The following SNX3 variants were observed in gnomAD, a reference collection of about 807,000 sequenced individuals.
SNX3 encodes sorting nexin 3.
A neutral mutation model predicts 17.7 loss-of-function variants in SNX3; 5 were observed. The observed-to-expected ratio is 0.28, with a 90% CI of 0.15 to 0.59. The LOEUF (loss-of-function observed/expected upper bound fraction) is 0.59, where lower values mean the gene tolerates loss of function less well. SNX3 is among the 20% of genes least tolerant of loss of function. SNX3 has a pLI of 0.88. For missense variants in SNX3, 132 were observed against 206.8 expected (o/e 0.64, Z 2.22); for synonymous variants, 91 against 76.5 (o/e 1.19, Z -0.99).
Position 108,223,005 on chromosome 6 carries a change from C to T in SNX3, c.203G>A (p.Arg68Lys). ...CCATTCAAAGTCACTGTATCTTCTTCTAACAGTAGATTCTTTCAGCTTGAA... is the reference window on the plus strand; with the variant it reads ...CCATTCAAAGTCACTGTATCTTCTTTTAACAGTAGATTCTTTCAGCTTGAA... ...PIFKLKESTV[R>K]RRYSDFEWLR... is the part of the protein sequence containing the mutation. The change falls in exon 2 of 4, where the codon AGA becomes AAA. Residue 68 changes from arginine (R) to lysine (K), a missense_variant. By Grantham distance (26) the Arg-to-Lys change is conservative (BLOSUM62 2). This residue lies in a region of SNX3 where 78 missense variants were observed against 88.8 expected (regional missense o/e 0.88). Coordinates refer to ENST00000230085, the MANE Select transcript of SNX3 (RefSeq NM_003795.6). The T allele has an allele frequency of 6.2e-7, 1 of 1,608,562 alleles. No individual in the cohort carries two copies. The highest frequency in any genetic ancestry group is 8.5e-7 in the Non-Finnish European group (1 of 1,176,482).
intron 3 of SNX3, 96 bp from the exon 4 acceptor site, chr6:108,212,350 T>G: frequency 1.2e-6 from 1 of 864,154 alleles, no homozygotes. Context: ...TATAATTTTT[T>G]TTTTTTTGAG....
At chr6:108,212,547 A>G (rs547531444) in intron 3 of SNX3, among the ~76,000 whole-genome samples, 71 of 152,272 alleles carry the variant, frequency 4.7e-4, no homozygotes, top group African/African-American at 1.4e-3. Context: ...CATGTTGGCC[A>G]GGCTAGTCTC....
chr6:108,225,031 C>T (rs1323740434), intron 1 of SNX3, among the ~76,000 whole-genome samples: 1 of 152,140 alleles, frequency 6.6e-6, no homozygotes, highest in Non-Finnish European at 1.5e-5. Flanking sequence ...GACTGTAATC[C>T]CAGCACTTTG....
intron 1 of SNX3, among the ~76,000 whole-genome samples, chr6:108,237,956 G>T (rs1775399533): frequency 6.6e-6 from 1 of 151,594 alleles, no homozygotes; most frequent in South Asian, 2.1e-4. Context: ...AATTAGCCCG[G>T]CATGGTGGCA....
At chr6:108,229,991 G>A (rs565342889) in intron 1 of SNX3, among the ~76,000 whole-genome samples, 5 of 152,092 alleles carry the variant, frequency 3.3e-5, no homozygotes, top group Non-Finnish European at 7.4e-5. Flanking sequence ...TAGCATTAAG[G>A]TGTAGAATTA....
chr6:108,222,762 C>G (rs58497731), intron 2 of SNX3, among the ~76,000 whole-genome samples, 188 bp downstream of exon 2: 5,057 of 151,896 alleles, frequency 0.033, 238 homozygotes, highest in African/African-American at 0.11. Context: ...TGGGCCAAAG[C>G]AGACAAGAGA....
intron 3 of SNX3, among the ~76,000 whole-genome samples, chr6:108,214,130 TCAAA>T (rs998437689): frequency 3.3e-5 from 5 of 152,206 alleles, no homozygotes; most frequent in African/African-American, 1.2e-4. Context: ...CCATCTGCAA[TCAAA>T]CAAGATGATT....
intron 1 of SNX3, among the ~76,000 whole-genome samples, chr6:108,247,403 T>C (rs1469393104): frequency 6.6e-6 from 1 of 152,088 alleles, no homozygotes; most frequent in African/African-American, 2.4e-5. Context: ...GGTCTCACTC[T>C]GTTACCTAGG....
At chr6:108,215,828 A>G (rs1774551361) in intron 2 of SNX3, among the ~76,000 whole-genome samples, 1 of 152,090 alleles carries the variant, frequency 6.6e-6, no homozygotes, top group Non-Finnish European at 1.5e-5. Flanking sequence ...GCTACTTAGG[A>G]GGCGGAAGTG....
intron 1 of SNX3, among the ~76,000 whole-genome samples, chr6:108,256,490 A>G (rs1776033902): frequency 6.6e-6 from 1 of 152,212 alleles, no homozygotes; most frequent in Non-Finnish European, 1.5e-5. Flanking sequence ...CTGTGCTAGA[A>G]AGATTCATGT....
intron 1 of SNX3, among the ~76,000 whole-genome samples, chr6:108,226,746 C>T (rs1420647358): frequency 6.6e-6 from 1 of 152,122 alleles, no homozygotes; most frequent in Non-Finnish European, 1.5e-5. Context: ...CCCTTAAATC[C>T]ATTTTGTAGT....
chr6:108,232,944 T>C (rs1775217105), intron 1 of SNX3, among the ~76,000 whole-genome samples: 1 of 152,244 alleles, frequency 6.6e-6, no homozygotes, highest in African/African-American at 2.4e-5. Flanking sequence ...AGAATAAGCT[T>C]TTAGTCCAGA....
intron 1 of SNX3, among the ~76,000 whole-genome samples, chr6:108,235,025 T>C (rs1481800274): frequency 6.6e-6 from 1 of 151,680 alleles, no homozygotes; most frequent in Non-Finnish European, 1.5e-5. Context: ...TACTTTGCTA[T>C]AGAATGAGAA....
At chr6:108,250,225 T>C (rs1022273490) in intron 1 of SNX3, among the ~76,000 whole-genome samples, 6 of 152,170 alleles carry the variant, frequency 3.9e-5, no homozygotes, top group African/African-American at 7.2e-5. Flanking sequence ...GTTTTGATAA[T>C]AGATTCTCCA....
chr6:108,227,362 G>A (rs2114723397), intron 1 of SNX3, among the ~76,000 whole-genome samples: 1 of 152,234 alleles, frequency 6.6e-6, no homozygotes, highest in African/African-American at 2.4e-5. Flanking sequence ...TTCTGGGTAC[G>A]GAAGTCTATA....
chr6:108,220,705 C>T (rs1260307713), intron 2 of SNX3, among the ~76,000 whole-genome samples: 1 of 152,124 alleles, frequency 6.6e-6, no homozygotes, highest in Admixed American at 6.5e-5. Context: ...GGGTCAGGCA[C>T]AGTGGCTCAC....
At chr6:108,244,648 T>C (rs1369982426) in intron 1 of SNX3, among the ~76,000 whole-genome samples, 1 of 65,922 alleles carries the variant, frequency 1.5e-5, no homozygotes, top group East Asian at 3.1e-4. Context: ...AAGTAAGGAG[T>C]TTTTTTTTTT....
At chr6:108,215,823 T>G (rs1774551275) in intron 2 of SNX3, among the ~76,000 whole-genome samples, 1 of 151,976 alleles carries the variant, frequency 6.6e-6, no homozygotes, top group Non-Finnish European at 1.5e-5. Context: ...TCCCAGCTAC[T>G]TAGGAGGCGG....
chr6:108,252,836 C>T (rs905841357), intron 1 of SNX3, among the ~76,000 whole-genome samples: 1 of 152,010 alleles, frequency 6.6e-6, no homozygotes, highest in Non-Finnish European at 1.5e-5. Context: ...TGGGGTTTTG[C>T]CATGTTGGTC....
Sources: gnomAD v4.1 joint callset for allele counts (sites outside exome capture counted in the v4.1 genomes callset) on GRCh38, gnomAD v4.1.1 for gene constraint, gnomAD v4.1.1 regional missense constraint, MANE v1.5 for transcripts, NCBI Gene and HGNC (gene_info 2026-07-23, HGNC 2026-07-21) for gene names.